TMEM123: variants seen among roughly 807,000 people sequenced by gnomAD.
TMEM123 encodes the protein transmembrane protein 123, also known as porimin.
TMEM123 carries 16 observed loss-of-function variants against 19.7 expected under a neutral mutation model. The ratio of observed to expected loss-of-function variants is 0.81; its 90% CI spans 0.55 to 1.23. The LOEUF is 1.23. Among genes scored for constraint, TMEM123 ranks in the 50% most tolerant of loss-of-function variants. The probability of loss-of-function intolerance (pLI) is 0.00; values close to 1 mark genes in which losing one functional copy is unlikely to be tolerated. For missense variants in TMEM123, 313 were observed against 257.8 expected, an observed-to-expected ratio of 1.21 and a Z score of -1.47; for synonymous variants, 118 against 99.4, an observed-to-expected ratio of 1.19 and a Z score of -1.12.
intron 2 of TMEM123, among the ~76,000 whole-genome samples, chr11:102,405,748 T>C (rs1053446880): frequency 3.3e-5 from 5 of 152,150 alleles, no homozygotes; most frequent in Admixed American, 3.3e-4. Context: ...CAAAGTCACA[T>C]GGGCCAAAAT....
intron 2 of TMEM123, among the ~76,000 whole-genome samples, chr11:102,436,344 G>A (rs1437323354): frequency 6.6e-6 from 1 of 151,700 alleles, no homozygotes; most frequent in Admixed American, 6.6e-5. Context: ...TACATTTTTA[G>A]TAGAGACAAG....
chr11:102,435,669 C>T (rs145007670), intron 2 of TMEM123, among the ~76,000 whole-genome samples: 24 of 151,976 alleles, frequency 1.6e-4, no homozygotes, highest in African/African-American at 5.1e-4. Context: ...AAAGGTGGAA[C>T]CAACTCCAAT....
At chr11:102,429,203 G>C (rs1039975823) in intron 2 of TMEM123, among the ~76,000 whole-genome samples, 1 of 151,894 alleles carries the variant, frequency 6.6e-6, no homozygotes, top group African/African-American at 2.4e-5. Flanking sequence ...TAGGTTTTGT[G>C]AATGTTGGAC....
intron 4 of TMEM123, 82 bp downstream of exon 4, chr11:102,401,457 G>A (rs985658929): frequency 7.8e-7 from 1 of 1,284,230 alleles, no homozygotes. Context: ...TCCCTGAGAT[G>A]AGCACTGGCT....
intron 2 of TMEM123, among the ~76,000 whole-genome samples, chr11:102,408,111 GAT>G (rs985078648): frequency 2.0e-5 from 3 of 152,016 alleles, no homozygotes; most frequent in African/African-American, 7.2e-5. Flanking sequence ...GTCAATCAGA[GAT>G]ATAAGAACTT....
intron 2 of TMEM123, among the ~76,000 whole-genome samples, chr11:102,430,032 T>C (rs1857675213): frequency 6.6e-6 from 1 of 152,204 alleles, no homozygotes; most frequent in African/African-American, 2.4e-5. Context: ...AATTGCTCTG[T>C]CCATCCCCTT....
intron 2 of TMEM123, among the ~76,000 whole-genome samples, chr11:102,435,348 T>C (rs1292213596): frequency 6.6e-6 from 1 of 151,632 alleles, no homozygotes; most frequent in Non-Finnish European, 1.5e-5. Context: ...CATGAAAAAA[T>C]GTTCAACTCA....
At chr11:102,401,504 T>C in intron 4 of TMEM123, 35 bp downstream of exon 4, 4 of 1,517,728 alleles carry the variant, frequency 2.6e-6, no homozygotes, top group Non-Finnish European at 3.5e-6. Context: ...GCACCAACAA[T>C]TTTTTTTAAA....
intron 2 of TMEM123, among the ~76,000 whole-genome samples, chr11:102,441,190 G>A (rs558695959): frequency 1.9e-3 from 286 of 152,156 alleles, no homozygotes; most frequent in African/African-American, 6.6e-3. Context: ...TGCACCAAGC[G>A]GACCTAATAG....
intron 2 of TMEM123, among the ~76,000 whole-genome samples, chr11:102,419,065 G>A (rs1176045379): frequency 2.6e-5 from 4 of 152,106 alleles, no homozygotes; most frequent in Non-Finnish European, 5.9e-5. Flanking sequence ...TGAGTACTAC[G>A]CTCATTACCT....
intron 2 of TMEM123, among the ~76,000 whole-genome samples, chr11:102,419,536 C>T (rs184075263): frequency 1.6e-4 from 24 of 152,324 alleles, no homozygotes; most frequent in Non-Finnish European, 2.9e-4. Context: ...AGGGCAACTG[C>T]GTGTCCAGTC....
chr11:102,403,145 G>C (rs919196267), intron 2 of TMEM123, among the ~76,000 whole-genome samples: 11 of 152,022 alleles, frequency 7.2e-5, no homozygotes, highest in African/African-American at 1.2e-4. Context: ...TGAGTAGCTG[G>C]GATTACAGGT....
intron 2 of TMEM123, among the ~76,000 whole-genome samples, chr11:102,428,464 GC>G (rs949733831): frequency 6.7e-6 from 1 of 150,088 alleles, no homozygotes; most frequent in Non-Finnish European, 1.5e-5. Flanking sequence ...ACCACACCCA[GC>G]TTTTTTTTTT....
chr11:102,414,999 G>C (rs1407867064), intron 2 of TMEM123, among the ~76,000 whole-genome samples: 1 of 152,084 alleles, frequency 6.6e-6, no homozygotes, highest in Non-Finnish European at 1.5e-5. Context: ...AAGGGATAAA[G>C]AAAAATCAAG....
chr11:102,430,501 G>A (rs1253808748), intron 2 of TMEM123, among the ~76,000 whole-genome samples: 4 of 152,190 alleles, frequency 2.6e-5, no homozygotes, highest in African/African-American at 7.2e-5. Flanking sequence ...GACTGGACCT[G>A]AGGAAACAAG....
intron 2 of TMEM123, among the ~76,000 whole-genome samples, chr11:102,420,343 T>A (rs145350341): frequency 1.3e-5 from 2 of 152,252 alleles, no homozygotes; most frequent in African/African-American, 4.8e-5. Flanking sequence ...TGTCTAGGCA[T>A]AGATCTGACC....
intron 2 of TMEM123, among the ~76,000 whole-genome samples, chr11:102,438,477 G>A (rs949625662): frequency 6.6e-6 from 1 of 152,168 alleles, no homozygotes; most frequent in East Asian, 1.9e-4. Flanking sequence ...ACCACTTCAT[G>A]CCTTGTGCCT....
At chr11:102,399,744 A>AGG (rs1482868515) in intron 4 of TMEM123, among the ~76,000 whole-genome samples, 4 of 152,026 alleles carry the variant, frequency 2.6e-5, no homozygotes, top group Non-Finnish European at 5.9e-5. Flanking sequence ...CCAAGGTGGG[A>AGG]GGATCACCTA....
Position 102,398,073 on chromosome 11 carries a change from G to T in TMEM123, c.*794C>A, listed in dbSNP as rs1591551343. 6.6e-6 allele frequency: 1 copy of T among 152,324 alleles called. No homozygotes were observed. Among genetic ancestry groups the T allele is most frequent in the East Asian group, 1.9e-4 (1 of 5,184 alleles). 9.4% of individuals were successfully genotyped at this position (152,324 alleles called of 1,614,324 possible). On this transcript the variant is annotated 3_prime_UTR_variant, in exon 5 of 5. Transcript: ENST00000398136. ...TAGCAAATAATCTAACTTCTAGGAGGTTTTTTCCCTATAATGCCAGGATTA... is the reference window on the plus strand; with the variant it reads ...TAGCAAATAATCTAACTTCTAGGAGTTTTTTTCCCTATAATGCCAGGATTA...
Sources: allele counts gnomAD v4.1 joint callset (sites outside exome capture counted in the v4.1 genomes callset), GRCh38; gene constraint gnomAD v4.1.1; transcripts MANE v1.5; gene names NCBI Gene and HGNC (gene_info 2026-07-23, HGNC 2026-07-21).